ANK2: variants seen among roughly 807,000 people sequenced by gnomAD.
The protein encoded by ANK2 is ankyrin-2.
Under a neutral mutation model 360.5 loss-of-function variants are expected in ANK2, and 83 were observed. That is an observed-to-expected ratio of 0.23 (90% confidence interval 0.19 to 0.28). The LOEUF (loss-of-function observed/expected upper bound fraction) is 0.28. Among genes scored for constraint, ANK2 ranks in the 10% least tolerant of loss-of-function variants. The probability of loss-of-function intolerance (pLI) is 1.00; values close to 1 mark genes in which losing one functional copy is unlikely to be tolerated. For synonymous variants in ANK2, 1,740 were observed against 1,759.5 expected (o/e 0.99, Z 0.28); for missense variants, 4,201 against 4,795.7 (o/e 0.88, Z 3.66).
intron 2 of ANK2, among the ~76,000 whole-genome samples, chr4:112,949,087 G>T (rs1297898344): frequency 1.3e-5 from 2 of 152,062 alleles, no homozygotes; most frequent in Non-Finnish European, 2.9e-5. Flanking sequence ...TACTGTTGGG[G>T]TCCTTTTGCA....
intron 1 of ANK2, among the ~76,000 whole-genome samples, chr4:113,126,159 G>C (rs1027517446): frequency 6.6e-6 from 1 of 152,112 alleles, no homozygotes; most frequent in East Asian, 1.9e-4. Context: ...TAGGTACTCT[G>C]TACACTGATA....
the ANK2 span, among the ~76,000 whole-genome samples, chr4:112,781,125 A>G: frequency 6.6e-6 from 1 of 152,052 alleles, no homozygotes; most frequent in Admixed American, 6.6e-5. Context: ...TCAGCCTACC[A>G]AGTAGCTGGG....
chr4:113,207,686 C>CAAAAAAAAA (rs34818513), intron 4 of ANK2, among the ~76,000 whole-genome samples: 39 of 101,598 alleles, frequency 3.8e-4, no homozygotes, highest in Middle Eastern at 6.0e-3. Flanking sequence ...GATCACAAAG[C>CAAAAAAAAA]AAAAAAAAAA....
rs79564531 is a variant in ANK2, at chr4:113,091,291, G to T, written c.84+41479G>T. 7.0e-3 allele frequency among the ~76,000 whole-genome samples: 1,072 copies of T among 152,242 alleles called. 34 individuals are homozygous for T. The highest frequency in any genetic ancestry group is 0.069 in the East Asian group (358 of 5,188). ...ATGCTGCTGAAAGCTACAAAGAAAGGAGGACAATAATTATAATCCCAAATT... is the reference window on the plus strand; with the variant it reads ...ATGCTGCTGAAAGCTACAAAGAAAGTAGGACAATAATTATAATCCCAAATT... On this transcript the variant is annotated intron_variant, in intron 1 of 45. Coordinates refer to ENST00000357077, the MANE Select transcript of ANK2 (RefSeq NM_001148.6).
chr4:113,294,844 A>G (rs575744556), intron 22 of ANK2, among the ~76,000 whole-genome samples: 1 of 152,306 alleles, frequency 6.6e-6, no homozygotes, highest in Non-Finnish European at 1.5e-5. Flanking sequence ...GTAGGTCACT[A>G]TATTTAATGG....
intron 10 of ANK2, among the ~76,000 whole-genome samples, chr4:113,253,656 T>A (rs999417690): frequency 1.3e-5 from 2 of 152,156 alleles, no homozygotes; most frequent in African/African-American, 2.4e-5. Context: ...CACCAAACAC[T>A]GTCACCTCTT....
chr4:113,076,922 AC>A (rs1347191121), intron 1 of ANK2, among the ~76,000 whole-genome samples: 1 of 152,040 alleles, frequency 6.6e-6, no homozygotes, highest in Non-Finnish European at 1.5e-5. Context: ...TTTACAAGAA[AC>A]CTATAATAGA....
the ANK2 span, among the ~76,000 whole-genome samples, chr4:112,786,787 C>T: frequency 1.5e-5 from 2 of 132,344 alleles, no homozygotes; most frequent in Non-Finnish European, 3.1e-5. Context: ...CTCACTTTGT[C>T]GCACAGGCTG....
intron 1 of ANK2, among the ~76,000 whole-genome samples, chr4:113,052,610 G>T (rs313943): frequency 0.09 from 13,736 of 152,248 alleles, 1,847 homozygotes; most frequent in African/African-American, 0.29. Flanking sequence ...TACTGAGTGT[G>T]TTGAGAATAG....
At chr4:113,104,566 T>G (rs1466141847) in intron 1 of ANK2, among the ~76,000 whole-genome samples, 1 of 152,108 alleles carries the variant, frequency 6.6e-6, no homozygotes, top group Non-Finnish European at 1.5e-5. Context: ...ATACAAAACA[T>G]TAGCTGGGTG....
chr4:113,302,192 T>C lies in ANK2; in HGVS notation c.2476-575T>C, dbSNP rs141892334. On this transcript the variant is annotated intron_variant, in intron 22 of 45. Coordinates refer to ENST00000357077, the MANE Select transcript of ANK2 (RefSeq NM_001148.6). Reference sequence around the variant, plus strand: ...TACATGAGGAATGAAAGGCAGTGGATTGACAACCTTGGAGAGCTATTGCAT... The same window carrying C: ...TACATGAGGAATGAAAGGCAGTGGACTGACAACCTTGGAGAGCTATTGCAT... Among the ~76,000 whole-genome samples the C allele has an allele frequency of 1.3e-4, 20 of 152,294 alleles. No homozygotes were observed. In the East Asian group the frequency reaches 1.4e-3, roughly 10 times the overall value.
At chr4:112,827,960 C>T (rs1174054141) in intron 1 of ANK2, among the ~76,000 whole-genome samples, 5 of 152,156 alleles carry the variant, frequency 3.3e-5, no homozygotes, top group Non-Finnish European at 7.3e-5. Flanking sequence ...TGCTGATCTT[C>T]AAACTATACC....
chr4:112,815,877 T>G (rs1387508930), upstream of ANK2, among the ~76,000 whole-genome samples: 1 of 152,212 alleles, frequency 6.6e-6, no homozygotes, highest in Non-Finnish European at 1.5e-5. Flanking sequence ...TTACATGCCT[T>G]TTCATCTGGC....
rs568827763 is a variant in ANK2 at position 113,184,127 on chromosome 4, A to G, written c.186+9610A>G. ...AGTGTCTTTGGATTCTAGTTAGAGC[A>G]AGAAGCTTAAAAGGGATATTTAGAG... On this transcript the variant is annotated intron_variant, in intron 2 of 45. Transcript: ENST00000357077. 3.3e-5 allele frequency among the ~76,000 whole-genome samples: 5 copies of G among 150,824 alleles called. No individual in the cohort carries two copies. The East Asian group carries it at 1.0e-3, about 30-fold the overall frequency.
chr4:113,359,364 ATGTT>A, intron 38 of ANK2, 65 bp downstream of exon 38: 1 of 1,595,150 alleles, frequency 6.3e-7, no homozygotes. Context: ...GTTTTTTTGT[ATGTT>A]TGTTTTATTT....
chr4:113,081,733 C>T (rs72671590), intron 1 of ANK2, among the ~76,000 whole-genome samples: 15,813 of 151,902 alleles, frequency 0.1, 1,113 homozygotes, highest in Middle Eastern at 0.17. Flanking sequence ...TGCTTATATA[C>T]ACAGCCATTA....
At position 112,839,268 on chromosome 4, in the gene ANK2, G is replaced by A. The variant is rs545269459; in HGVS notation, c.-40+21004G>A. Among the ~76,000 whole-genome samples, 3 of 152,270 alleles carry A rather than the reference G, an allele frequency of 2.0e-5. No individual in the cohort carries two copies. In the East Asian group the frequency reaches 5.8e-4, roughly 29 times the overall value. ...AATATACAGAAGGCAGAAAGGTTAA[G>A]TGATTTGAAAATGTGTGCTGAAGAT... On this transcript the variant is annotated intron_variant, in intron 1 of 30. Transcript: ENST00000503271.
chr4:113,220,488 T>A (rs1433413121), intron 4 of ANK2, among the ~76,000 whole-genome samples: 1 of 152,220 alleles, frequency 6.6e-6, no homozygotes, highest in Non-Finnish European at 1.5e-5. Context: ...TATGTTTTGT[T>A]TTTTTAAAAA....
At chr4:112,707,091 T>G in the ANK2 span, among the ~76,000 whole-genome samples, 1 of 152,110 alleles carries the variant, frequency 6.6e-6, no homozygotes, top group Non-Finnish European at 1.5e-5. Context: ...TGACTGCAAA[T>G]AGGAAACCTC....
Sources: allele counts gnomAD v4.1 joint callset (sites outside exome capture counted in the v4.1 genomes callset), GRCh38; gene constraint gnomAD v4.1.1; transcripts MANE v1.5; gene names NCBI Gene and HGNC (gene_info 2026-07-23, HGNC 2026-07-21).